The following MYO10 variants were observed in gnomAD, a reference collection of about 807,000 sequenced individuals.
MYO10 encodes myosin X, also known as unconventional myosin-X.
A neutral mutation model predicts 257.3 loss-of-function variants in MYO10; 133 were observed. That is an observed-to-expected ratio of 0.52 (90% CI 0.45 to 0.60). The LOEUF is 0.60. Among genes scored for constraint, MYO10 ranks in the 20% least tolerant of loss-of-function variants. The pLI is 0.00. For synonymous variants in MYO10, 1,104 were observed against 1,028.6 expected (o/e 1.07, Z -1.40); for missense variants, 2,399 against 2,635.7 (o/e 0.91, Z 1.97).
At chr5:16,874,292 C>T (rs559461063) in intron 2 of MYO10, among the ~76,000 whole-genome samples, 15 of 141,096 alleles carry the variant, frequency 1.1e-4, no homozygotes, top group African/African-American at 3.4e-4. Flanking sequence ...CGAGATCGCG[C>T]CACTGCACTC....
chr5:16,835,324 G>A (rs907063843), intron 2 of MYO10, among the ~76,000 whole-genome samples: 1 of 151,886 alleles, frequency 6.6e-6, no homozygotes, highest in African/African-American at 2.4e-5. Context: ...CCTGAGGTCA[G>A]GAGTTCGAGA....
In MYO10 at chr5:16,930,513, C is replaced by T. The variant is rs74998228; in HGVS notation, c.21+5275G>A. On this transcript the variant is annotated intron_variant, in intron 1 of 40. Coordinates refer to ENST00000513610, the MANE Select transcript of MYO10 (RefSeq NM_012334.3). ...AAAAAGAGAAAACAAATAAATGCAA[C>T]GCACCACAGGAAGCTACCTCAGAAC... Among the ~76,000 whole-genome samples the T allele has an allele frequency of 2.3e-3, 346 of 152,276 alleles. 2 individuals are homozygous for T. Among genetic ancestry groups the T allele is most frequent in the East Asian group, 0.018 (95 of 5,178 alleles).
At chr5:16,825,701 C>G (rs1490569472) in intron 2 of MYO10, among the ~76,000 whole-genome samples, 2 of 152,158 alleles carry the variant, frequency 1.3e-5, no homozygotes, top group East Asian at 3.9e-4. Flanking sequence ...GCAGAGTGGA[C>G]AGCCGGATGC....
intron 27 of MYO10, among the ~76,000 whole-genome samples, chr5:16,693,207 G>A (rs780638207): frequency 3.9e-5 from 6 of 152,164 alleles, no homozygotes; most frequent in Non-Finnish European, 7.4e-5. Flanking sequence ...AGTTGAGGCT[G>A]CAGTGAGCCG....
chr5:16,792,581 AGCGGGGG>A (rs943843321), intron 4 of MYO10, among the ~76,000 whole-genome samples: 1 of 100,070 alleles, frequency 1.0e-5, no homozygotes, highest in Admixed American at 9.9e-5. Context: ...TCCCCACAGG[AGCGGGGG>A]GCGGGGGGCT....
chr5:16,827,538 T>C lies in MYO10; in HGVS notation c.121-9371A>G, dbSNP rs547293706. On this transcript the variant is annotated intron_variant, in intron 2 of 40. Transcript: ENST00000513610. The stretch of plus-strand genomic sequence containing the variant: ...CCGTACTCAAGTGATCCGCCCACCC[T>C]GGCTTCCCAAAGTGTTGGGATTACA... Among the ~76,000 whole-genome samples, 290 of 152,298 alleles carry C rather than the reference T, an allele frequency of 1.9e-3. 1 individual carries two copies. Among genetic ancestry groups the C allele is most frequent in the Non-Finnish European group, 3.4e-3 (230 of 68,026 alleles).
intron 17 of MYO10, among the ~76,000 whole-genome samples, chr5:16,760,473 A>G (rs543172909): frequency 5.3e-5 from 8 of 151,698 alleles, no homozygotes; most frequent in African/African-American, 1.9e-4. Flanking sequence ...AAAAAAAAAA[A>G]CAAACCAAAA....
intron 1 of MYO10, among the ~76,000 whole-genome samples, chr5:16,917,705 AG>A (rs1745862298): frequency 6.6e-6 from 1 of 151,266 alleles, no homozygotes; most frequent in Non-Finnish European, 1.5e-5. Flanking sequence ...AAAAAAAAAA[AG>A]GAAAAAAAAA....
At chr5:16,735,977 T>C (rs572119810) in intron 19 of MYO10, among the ~76,000 whole-genome samples, 1 of 152,288 alleles carries the variant, frequency 6.6e-6, no homozygotes, top group Non-Finnish European at 1.5e-5. Context: ...TCAGGGCCCC[T>C]TTCCAGGTAC....
At chr5:16,716,161 T>C (rs1579893703) in intron 19 of MYO10, among the ~76,000 whole-genome samples, 2 of 152,168 alleles carry the variant, frequency 1.3e-5, no homozygotes, top group African/African-American at 4.8e-5. Context: ...GGACGAAATC[T>C]ATGTAGTTTT....
intron 19 of MYO10, among the ~76,000 whole-genome samples, chr5:16,723,672 T>C (rs1052151991): frequency 7.2e-5 from 11 of 152,216 alleles, no homozygotes; most frequent in Non-Finnish European, 1.3e-4. Flanking sequence ...TCAATGTTTA[T>C]AGGATCTTTG....
chr5:16,786,832 G>A (rs564534920), intron 4 of MYO10, among the ~76,000 whole-genome samples: 73 of 151,248 alleles, frequency 4.8e-4, no homozygotes, highest in Middle Eastern at 3.4e-3. Context: ...TAGGTCCCTC[G>A]TCCAAACCTG....
intron 19 of MYO10, among the ~76,000 whole-genome samples, chr5:16,730,540 A>G (rs1189284495): frequency 6.6e-6 from 1 of 152,210 alleles, no homozygotes; most frequent in Non-Finnish European, 1.5e-5. Context: ...GTGAGCCTCA[A>G]AAATAACCAG....
Position 16,762,639 on chromosome 5 carries a change from TAGA to T in MYO10, c.1495-5_1495-3del, listed in dbSNP as rs1740752935. The T allele has an allele frequency of 1.3e-6, 2 of 1,590,068 alleles. No individual in the cohort carries two copies. The highest frequency in any genetic ancestry group is 2.3e-5 in the East Asian group (1 of 44,438). On this transcript the variant is annotated splice_polypyrimidine_tract_variant and splice_region_variant and intron_variant, in intron 14 of 40. Coordinates refer to ENST00000513610, the MANE Select transcript of MYO10 (RefSeq NM_012334.3). ...GATAAGGGCTAGGAGGCCAAGTTTCTAGAAGAAGAAAAAGAAAAAATGAATTAA... is the reference window on the plus strand; with the variant it reads ...GATAAGGGCTAGGAGGCCAAGTTTCTAGAAGAAAAAGAAAAAATGAATTAA...
At chr5:16,874,585 G>A (rs1304117890) in intron 2 of MYO10, among the ~76,000 whole-genome samples, 1 of 152,084 alleles carries the variant, frequency 6.6e-6, no homozygotes, top group African/African-American at 2.4e-5. Context: ...AATATAACAA[G>A]AGTCACCTCT....
At chr5:16,715,392 A>ATTTTTTTTTTTTTTTTTTTTT (rs372307063) in intron 19 of MYO10, among the ~76,000 whole-genome samples, 4 of 84,340 alleles carry the variant, frequency 4.7e-5, no homozygotes, top group East Asian at 3.9e-4. Context: ...TAAGATTGAA[A>ATTTTTTTTTTTTTTTTTTTTT]TTTTTTTTTT....
At chr5:16,724,288 G>C (rs1473158534) in intron 19 of MYO10, among the ~76,000 whole-genome samples, 1 of 152,114 alleles carries the variant, frequency 6.6e-6, no homozygotes, top group African/African-American at 2.4e-5. Context: ...CACAACTCTG[G>C]ATACTACTGT....
intron 2 of MYO10, among the ~76,000 whole-genome samples, chr5:16,848,048 C>T (rs1441468662): frequency 1.3e-5 from 2 of 152,104 alleles, no homozygotes; most frequent in Non-Finnish European, 2.9e-5. Flanking sequence ...AAGGAAGCAT[C>T]ACCTAGCCAG....
At chr5:16,752,434 C>T (rs1363706790) in intron 19 of MYO10, among the ~76,000 whole-genome samples, 7 of 152,162 alleles carry the variant, frequency 4.6e-5, no homozygotes, top group Admixed American at 4.6e-4. Context: ...AGACGTGTGC[C>T]ACCACGCCTG....
Sources: gnomAD v4.1 joint callset for allele counts (sites outside exome capture counted in the v4.1 genomes callset) on GRCh38, gnomAD v4.1.1 for gene constraint, MANE v1.5 for transcripts, NCBI Gene and HGNC (gene_info 2026-07-23, HGNC 2026-07-21) for gene names.